ARHGAP44: variants seen among roughly 807,000 people sequenced by gnomAD.
ARHGAP44 encodes rho GTPase-activating protein 44.
In ARHGAP44, 43 loss-of-function variants were observed where a neutral mutation model predicts 106.8. That is an observed-to-expected ratio of 0.40 (90% CI 0.32 to 0.52). ARHGAP44 has a LOEUF of 0.52. Among genes scored for constraint, ARHGAP44 ranks in the 20% least tolerant of loss-of-function variants. ARHGAP44 has a pLI of 0.48. For missense variants in ARHGAP44, 866 were observed against 1,050.5 expected, an observed-to-expected ratio of 0.82 and a Z score of 2.43; for synonymous variants, 439 against 410.3, an observed-to-expected ratio of 1.07 and a Z score of -0.85.
rs368631783 is a variant in ARHGAP44 at position 12,793,528 on chromosome 17, C to T, written c.53+3637C>T. On this transcript the variant is annotated intron_variant, in intron 1 of 20. Coordinates refer to ENST00000379672, the MANE Select transcript of ARHGAP44 (RefSeq NM_014859.6). ...TTCGAGACCAGCCTGGCCAACATGG[C>T]GAAACCCCGTCTCTACTAAAAATAC... Among the ~76,000 whole-genome samples, 7 of 152,102 alleles carry T rather than the reference C, an allele frequency of 4.6e-5. No homozygotes were observed. The East Asian group carries it at 7.8e-4, about 17-fold the overall frequency.
At chr17:12,938,042 G>T (rs1371778032) in intron 7 of ARHGAP44, among the ~76,000 whole-genome samples, 1 of 151,806 alleles carries the variant, frequency 6.6e-6, no homozygotes, top group Non-Finnish European at 1.5e-5. Flanking sequence ...AGGTTGCAGT[G>T]AGCCAAGATT....
chr17:12,814,862 A>C (rs191527508), intron 1 of ARHGAP44, among the ~76,000 whole-genome samples: 6 of 152,196 alleles, frequency 3.9e-5, no homozygotes, highest in Admixed American at 1.3e-4. Context: ...AAAAACCCCC[A>C]AAAAAGCAAA....
Position 12,967,721 on chromosome 17 carries a change from C to A in ARHGAP44, c.1524-5581C>A, listed in dbSNP as rs180755852. Among the ~76,000 whole-genome samples the A allele has an allele frequency of 1.9e-3, 292 of 152,304 alleles. 1 individual carries two copies. Among genetic ancestry groups the A allele is most frequent in the African/African-American group, 6.8e-3 (283 of 41,572 alleles). ...ATCACTTCATTGCTTCCCTCTTGAA[C>A]CCTGAGCCGTCGTTCCACTGGTCCT... is the stretch of plus-strand genomic sequence containing the variant. On this transcript the variant is annotated intron_variant, in intron 16 of 20. Transcript: ENST00000379672.
At chr17:12,816,054 A>C (rs1291850237) in intron 1 of ARHGAP44, among the ~76,000 whole-genome samples, 1 of 152,134 alleles carries the variant, frequency 6.6e-6, no homozygotes, top group Admixed American at 6.5e-5. Context: ...TACTGAACGC[A>C]GTTGAAAGGG....
intron 7 of ARHGAP44, among the ~76,000 whole-genome samples, chr17:12,934,562 C>T (rs559302488): frequency 5.3e-5 from 8 of 152,160 alleles, no homozygotes; most frequent in Non-Finnish European, 1.2e-4. Flanking sequence ...AGCAAACCTA[C>T]GAGCAAGCGT....
chr17:12,813,336 T>C (rs1300584684), intron 1 of ARHGAP44, among the ~76,000 whole-genome samples: 1 of 148,344 alleles, frequency 6.7e-6, no homozygotes, highest in African/African-American at 2.5e-5. Context: ...AAAGAGCAAA[T>C]CAAAAGTAAA....
At chr17:12,928,776 C>A (rs1193902454) in intron 6 of ARHGAP44, among the ~76,000 whole-genome samples, 153 bp from the exon 7 acceptor site, 1 of 152,184 alleles carries the variant, frequency 6.6e-6, no homozygotes, top group Non-Finnish European at 1.5e-5. Context: ...TGTCTCCTTG[C>A]CTAGTCCTTG....
intron 1 of ARHGAP44, among the ~76,000 whole-genome samples, chr17:12,841,842 A>G (rs2035417843): frequency 6.6e-6 from 1 of 152,092 alleles, no homozygotes; most frequent in Non-Finnish European, 1.5e-5. Context: ...AGGCCCTCTT[A>G]AAATAAAAGA....
At chr17:12,800,948 T>C (rs1047606301) in intron 1 of ARHGAP44, among the ~76,000 whole-genome samples, 1 of 152,218 alleles carries the variant, frequency 6.6e-6, no homozygotes, top group African/African-American at 2.4e-5. Flanking sequence ...AAAATAAAAA[T>C]GTCACGTTCA....
intron 1 of ARHGAP44, among the ~76,000 whole-genome samples, chr17:12,814,381 C>T (rs897243840): frequency 6.6e-6 from 1 of 151,698 alleles, no homozygotes; most frequent in Admixed American, 6.6e-5. Flanking sequence ...GCTGGGATTA[C>T]AGGCGCCTGC....
intron 1 of ARHGAP44, among the ~76,000 whole-genome samples, chr17:12,890,779 T>G (rs1315467000): frequency 6.6e-6 from 1 of 152,214 alleles, no homozygotes; most frequent in African/African-American, 2.4e-5. Context: ...AATCATAAAT[T>G]CCACCTTTAA....
chr17:12,894,020 A>C (rs2037126676), intron 1 of ARHGAP44, among the ~76,000 whole-genome samples: 1 of 149,976 alleles, frequency 6.7e-6, no homozygotes, highest in African/African-American at 2.5e-5. Context: ...AAATACATTC[A>C]CTCCTTCCTC....
intron 1 of ARHGAP44, among the ~76,000 whole-genome samples, chr17:12,799,709 A>C (rs2034030915): frequency 6.6e-6 from 1 of 152,184 alleles, no homozygotes; most frequent in African/African-American, 2.4e-5. Context: ...TGCTCACTGC[A>C]AACTCTGCCT....
chr17:12,849,696 A>T (rs2035685301), intron 1 of ARHGAP44, among the ~76,000 whole-genome samples: 1 of 147,038 alleles, frequency 6.8e-6, no homozygotes, highest in African/African-American at 2.5e-5. Flanking sequence ...ACAGATTCTG[A>T]TAATAAAGTT....
chr17:12,868,299 C>T (rs962997652), intron 1 of ARHGAP44, among the ~76,000 whole-genome samples: 4 of 152,056 alleles, frequency 2.6e-5, no homozygotes, highest in Non-Finnish European at 5.9e-5. Context: ...TTAGGGCTTA[C>T]CCTAATGACT....
intron 3 of ARHGAP44, among the ~76,000 whole-genome samples, chr17:12,903,128 A>AGAGGG (rs2037437021): frequency 1.2e-5 from 1 of 81,132 alleles, no homozygotes; most frequent in Admixed American, 1.3e-4. Context: ...GAGAGAGAGG[A>AGAGGG]GAGAGAGAGA....
chr17:12,874,619 C>A (rs1445820745), intron 1 of ARHGAP44, among the ~76,000 whole-genome samples: 1 of 151,918 alleles, frequency 6.6e-6, no homozygotes, highest in Non-Finnish European at 1.5e-5. Flanking sequence ...TAAATCCCAG[C>A]TACTTCGGAG....
At chr17:12,915,417 C>T (rs773398749) in intron 4 of ARHGAP44, among the ~76,000 whole-genome samples, 2 of 152,102 alleles carry the variant, frequency 1.3e-5, no homozygotes, top group Non-Finnish European at 2.9e-5. Flanking sequence ...CTGTCGTTTG[C>T]TCATTATTAA....
At chr17:12,911,874 T>C (rs77337685) in intron 4 of ARHGAP44, among the ~76,000 whole-genome samples, 8,121 of 152,236 alleles carry the variant, frequency 0.053, 310 homozygotes, top group Non-Finnish European at 0.079. Flanking sequence ...AGCAGGAAAT[T>C]AGAAGAGGTT....
Sources: allele counts gnomAD v4.1 joint callset (sites outside exome capture counted in the v4.1 genomes callset), GRCh38; gene constraint gnomAD v4.1.1; transcripts MANE v1.5; gene names NCBI Gene and HGNC (gene_info 2026-07-23, HGNC 2026-07-21).